The following RPS6KA5 variants were observed in gnomAD, a reference collection of about 807,000 sequenced individuals.
RPS6KA5 encodes ribosomal protein S6 kinase alpha-5.
Under a neutral mutation model 85.5 loss-of-function variants are expected in RPS6KA5, and 27 were observed. That is an observed-to-expected ratio of 0.32 (90% CI 0.23 to 0.44). RPS6KA5 has a LOEUF of 0.44. Ranked by LOEUF, RPS6KA5 falls within the 20% of genes least tolerant of loss-of-function variation. The pLI is 1.00. For missense variants in RPS6KA5, 811 were observed against 980.9 expected (o/e 0.83, Z 2.31); for synonymous variants, 334 against 348.2 (o/e 0.96, Z 0.46).
intron 1 of RPS6KA5, among the ~76,000 whole-genome samples, chr14:91,014,024 C>T (rs921156085): frequency 2.6e-5 from 4 of 152,114 alleles, no homozygotes; most frequent in South Asian, 4.1e-4. Context: ...GTGACCACGA[C>T]GTCATAAAGT....
rs1364911219 is a variant in RPS6KA5, at chr14:91,060,460, G to T, written c.-26C>A. The T allele has an allele frequency of 7.1e-7, 1 of 1,417,404 alleles. No individual in the cohort carries two copies. Among genetic ancestry groups the T allele is most frequent in the South Asian group, 1.6e-5 (1 of 63,356 alleles). 87.8% of individuals were successfully genotyped at this position (1,417,404 alleles called of 1,614,324 possible). A position where few individuals can be genotyped will look rare whatever the true frequency, so the allele number is the denominator to read the frequency against. On this transcript the variant is annotated 5_prime_UTR_variant, in exon 1 of 17. Transcript: ENST00000614987. ...CTTCTCCTTTTTTTCCGATCCCGCGGGTCGCTACGAGGGGAACCCAGGAGA... is the reference window on the plus strand; with the variant it reads ...CTTCTCCTTTTTTTCCGATCCCGCGTGTCGCTACGAGGGGAACCCAGGAGA...
chr14:90,988,196 G>GTTA lies in RPS6KA5; in HGVS notation c.176-9675_176-9673dup, dbSNP rs369357827. Among the ~76,000 whole-genome samples, 646 of 152,290 alleles carry GTTA rather than the reference G, an allele frequency of 4.2e-3. 4 individuals carry two copies. Among genetic ancestry groups the GTTA allele is most frequent in the African/African-American group, 0.014 (596 of 41,548 alleles). On this transcript the variant is annotated intron_variant, in intron 2 of 16. Coordinates refer to ENST00000614987, the MANE Select transcript of RPS6KA5 (RefSeq NM_004755.4). ...GAAACCAGGAAGACCTTTGGTGGTT[G>GTTA]TTATTTCTCTATTTACTGCAGGACA...
intron 2 of RPS6KA5, among the ~76,000 whole-genome samples, chr14:90,983,809 C>CTCTCTG (rs1566825973): frequency 3.7e-4 from 47 of 127,162 alleles, no homozygotes; most frequent in African/African-American, 1.4e-3. Context: ...CTCTCTCTCT[C>CTCTCTG]TCTCTCTGTC....
chr14:90,926,645 GTA>G (rs879470923), intron 5 of RPS6KA5, among the ~76,000 whole-genome samples: 32 of 139,938 alleles, frequency 2.3e-4, no homozygotes, highest in African/African-American at 2.8e-4. Context: ...ATATGTATGT[GTA>G]TATATATATA....
At chr14:90,897,077 G>A (rs972743502) in intron 12 of RPS6KA5, among the ~76,000 whole-genome samples, 15 of 152,172 alleles carry the variant, frequency 9.9e-5, no homozygotes, top group African/African-American at 3.4e-4. Context: ...GACGAGGGGA[G>A]GCAGTAGTGG....
intron 3 of RPS6KA5, among the ~76,000 whole-genome samples, chr14:90,952,543 T>G (rs957251778): frequency 6.6e-6 from 1 of 152,260 alleles, no homozygotes; most frequent in Non-Finnish European, 1.5e-5. Context: ...AAACAGCTCA[T>G]TTTGTTAATG....
At chr14:90,884,383 T>A (rs561106380) in intron 14 of RPS6KA5, among the ~76,000 whole-genome samples, 1 of 152,202 alleles carries the variant, frequency 6.6e-6, no homozygotes, top group Non-Finnish European at 1.5e-5. Context: ...CTGGGGCACT[T>A]TGCATTTTGA....
rs886633996 is a variant in RPS6KA5, at chr14:90,849,148, C to A, written c.*22926G>T. The A allele has an allele frequency of 6.6e-6, 1 of 152,214 alleles. No individual in the cohort carries two copies. Among genetic ancestry groups the A allele is most frequent in the Non-Finnish European group, 1.5e-5 (1 of 68,056 alleles). 9.4% of individuals were successfully genotyped at this position (152,214 alleles called of 1,614,324 possible). A position where few individuals can be genotyped will look rare whatever the true frequency, so the allele number is the denominator to read the frequency against. ...TCGTAACCAGGAGAGCCCGCGCAGG[C>A]ACCTTGGTGGTCTGAATCTAATAGA... On this transcript the variant is annotated 3_prime_UTR_variant, in exon 17 of 17. Coordinates refer to ENST00000614987, the MANE Select transcript of RPS6KA5 (RefSeq NM_004755.4).
intron 1 of RPS6KA5, among the ~76,000 whole-genome samples, chr14:91,008,116 T>C (rs1170061500): frequency 6.6e-6 from 1 of 152,256 alleles, no homozygotes; most frequent in African/African-American, 2.4e-5. Context: ...TAAAAATGCA[T>C]TTTTCACTCT....
In RPS6KA5 at chr14:90,994,561, A is replaced by AGT. The variant is rs1416785053; in HGVS notation, c.175+6526_175+6527insAC. 1.8e-4 allele frequency among the ~76,000 whole-genome samples: 11 copies of AGT among 61,922 alleles called. 1 individual carries two copies. The highest frequency in any genetic ancestry group is 6.9e-4 in the African/African-American group (11 of 15,880). 40.6% of individuals were successfully genotyped at this position (61,922 alleles called of 152,430 possible). ...GTGCTTTGCTTCTTGGATGTTTGTG[A>AGT]TTTTTTTTTTTTTTTTTTTTTTTTT... On this transcript the variant is annotated intron_variant, in intron 2 of 16. Coordinates refer to ENST00000614987, the MANE Select transcript of RPS6KA5 (RefSeq NM_004755.4).
chr14:90,886,721 T>C (rs1015180371), intron 14 of RPS6KA5, among the ~76,000 whole-genome samples: 5 of 152,210 alleles, frequency 3.3e-5, no homozygotes, highest in African/African-American at 9.6e-5. Flanking sequence ...AATAAATTTC[T>C]GTTGTTCAAG....
chr14:90,900,773 T>G (rs535029620), intron 9 of RPS6KA5, 37 bp from the exon 10 acceptor site: 7 of 1,568,914 alleles, frequency 4.5e-6, no homozygotes, highest in Non-Finnish European at 5.2e-6. Flanking sequence ...GAAAAACAAC[T>G]TGCAGTTTTC....
At chr14:90,947,388 T>C (rs771311481) in intron 4 of RPS6KA5, 47 bp downstream of exon 4, 1 of 996,654 alleles carries the variant, frequency 1.0e-6, no homozygotes, top group Non-Finnish European at 1.6e-6. Flanking sequence ...ATTATTACCT[T>C]AGTTAACAGA....
In RPS6KA5 at chr14:90,873,766, G is replaced by A; in HGVS notation, c.2026C>T (p.Leu676Phe). Reference protein sequence around the residue: ...GLLTVDPNKRLKMSGLRYNEW... With the variant: ...GLLTVDPNKRFKMSGLRYNEW... Reference sequence around the variant, plus strand: ...TTGTACCTCAAGCCAGACATTTTAAGCCTTTTGTTTGGATCTACTGTGAGA... The same window carrying A: ...TTGTACCTCAAGCCAGACATTTTAAACCTTTTGTTTGGATCTACTGTGAGA... The change falls in exon 16 of 17, where the codon CTT (leucine) becomes TTT (phenylalanine). Residue 676 changes from leucine to phenylalanine, a missense_variant. Coordinates refer to ENST00000614987, the MANE Select transcript of RPS6KA5 (RefSeq NM_004755.4). 1 of 1,614,012 alleles carries A rather than the reference G, an allele frequency of 6.2e-7. No homozygotes were observed. Among genetic ancestry groups the A allele is most frequent in the African/African-American group, 1.3e-5 (1 of 75,034 alleles).
intron 14 of RPS6KA5, among the ~76,000 whole-genome samples, chr14:90,877,633 C>T (rs1486012534): frequency 6.6e-6 from 1 of 152,194 alleles, no homozygotes; most frequent in Non-Finnish European, 1.5e-5. Context: ...TATTCCAATC[C>T]TGTGTTCCCA....
At chr14:90,983,799 C>CTG (rs1566825830) in intron 2 of RPS6KA5, among the ~76,000 whole-genome samples, 3 of 119,802 alleles carry the variant, frequency 2.5e-5, no homozygotes, top group African/African-American at 1.0e-4. Context: ...CTCTCTCTCT[C>CTG]TCTCTCTCTC....
intron 7 of RPS6KA5, among the ~76,000 whole-genome samples, chr14:90,909,414 G>A (rs1234007339): frequency 6.6e-6 from 1 of 152,150 alleles, no homozygotes; most frequent in African/African-American, 2.4e-5. Flanking sequence ...AAAAAGCTCT[G>A]AGTTGATAAG....
intron 4 of RPS6KA5, among the ~76,000 whole-genome samples, chr14:90,944,245 A>C (rs2037746784): frequency 6.6e-6 from 1 of 152,218 alleles, no homozygotes; most frequent in African/African-American, 2.4e-5. Flanking sequence ...TAAACTTAGA[A>C]ATATTGTTTT....
chr14:90,939,573 T>C (rs1169302990), intron 5 of RPS6KA5, among the ~76,000 whole-genome samples: 2 of 152,118 alleles, frequency 1.3e-5, no homozygotes, highest in Non-Finnish European at 2.9e-5. Flanking sequence ...ACAATCATGG[T>C]GGAAGGCAAG....
Sources: allele counts gnomAD v4.1 joint callset (sites outside exome capture counted in the v4.1 genomes callset), GRCh38; gene constraint gnomAD v4.1.1; transcripts MANE v1.5; gene names NCBI Gene and HGNC (gene_info 2026-07-23, HGNC 2026-07-21).